The following CHI3L2 variants were observed in gnomAD, a reference collection of about 807,000 sequenced individuals.
CHI3L2 encodes the protein chitinase-3-like protein 2.
Under a neutral mutation model 47.3 loss-of-function variants are expected in CHI3L2, and 47 were observed. The observed-to-expected ratio is 0.99, with a 90% CI of 0.79 to 1.27. The LOEUF (loss-of-function observed/expected upper bound fraction) is 1.27, where lower values mean the gene tolerates loss of function less well. Among genes scored for constraint, CHI3L2 ranks in the 50% most tolerant of loss-of-function variants. The pLI is 0.00. For missense variants in CHI3L2, 497 were observed against 462.1 expected (o/e 1.08, Z -0.69); for synonymous variants, 198 against 169.9 (o/e 1.17, Z -1.28).
chr1:111,238,523 T>A (rs1285879029), intron 7 of CHI3L2, among the ~76,000 whole-genome samples: 1 of 152,268 alleles, frequency 6.6e-6, no homozygotes, highest in Non-Finnish European at 1.5e-5. Flanking sequence ...TGTGATCCAC[T>A]GTCTAGTTCC....
chr1:111,235,823 G>A, intron 6 of CHI3L2, 60 bp downstream of exon 6: 1 of 1,595,402 alleles, frequency 6.3e-7, no homozygotes, highest in Non-Finnish European at 8.6e-7. Context: ...TGCAAATGAT[G>A]CATCAGCATG....
intron 5 of CHI3L2, among the ~76,000 whole-genome samples, chr1:111,235,318 T>C (rs1659846359): frequency 6.6e-6 from 1 of 152,154 alleles, no homozygotes; most frequent in African/African-American, 2.4e-5. Flanking sequence ...TAAAGCAACA[T>C]CCATATGAAA....
At chr1:111,229,921 C>T in intron 2 of CHI3L2, 40 bp downstream of exon 2, 1 of 1,612,042 alleles carries the variant, frequency 6.2e-7, no homozygotes, top group East Asian at 2.2e-5. Flanking sequence ...GATCTCCTGG[C>T]TTGGGTGCTT....
At chr1:111,242,916 G>A (rs1452730896) in intron 10 of CHI3L2, among the ~76,000 whole-genome samples, 1 of 152,152 alleles carries the variant, frequency 6.6e-6, no homozygotes, top group Non-Finnish European at 1.5e-5. Context: ...TGGGCCCCCA[G>A]TTCCCTAGGT....
chr1:111,239,166 G>T, intron 8 of CHI3L2: 1 of 446,158 alleles, frequency 2.2e-6, no homozygotes, highest in Non-Finnish European at 3.9e-6. Context: ...CCAGGAATGG[G>T]GATAGGCAGA....
intron 7 of CHI3L2, among the ~76,000 whole-genome samples, chr1:111,237,381 T>A (rs61806345): frequency 2.7e-3 from 416 of 152,356 alleles, no homozygotes; most frequent in Admixed American, 5.9e-3. Flanking sequence ...TTCACTGTCA[T>A]AATTTTCTCA....
intron 8 of CHI3L2, 62 bp from the exon 9 acceptor site, chr1:111,241,265 A>T: frequency 1.1e-6 from 1 of 914,742 alleles, no homozygotes; most frequent in Non-Finnish European, 1.8e-6. Flanking sequence ...TGCCCTGTCT[A>T]CCCCAACCAA....
In CHI3L2 at chr1:111,242,329, G is replaced by C; in HGVS notation, c.1138G>C (p.Val380Leu). The C allele has an allele frequency of 6.2e-7, 1 of 1,613,040 alleles. No individual in the cohort carries two copies. Among genetic ancestry groups the C allele is most frequent in the South Asian group, 1.1e-5 (1 of 90,908 alleles). ...CTGCAACCAGGGCCCTTACCCTCTT[G>C]TCCAAGCAGTCAAGAGAAGCCTTGG... ...KSCNQGPYPL[V>L]QAVKRSLGSL The change falls in exon 10 of 11, where the codon GTC (valine) becomes CTC (leucine). Residue 380 changes from valine (V) to leucine (L), a missense_variant. Val to Leu is a conservative substitution (Grantham distance 32). Coordinates refer to ENST00000369748, the MANE Select transcript of CHI3L2 (RefSeq NM_004000.3).
chr1:111,240,420 A>C (rs1406834608), intron 8 of CHI3L2, among the ~76,000 whole-genome samples: 1 of 152,212 alleles, frequency 6.6e-6, no homozygotes, highest in Non-Finnish European at 1.5e-5. Flanking sequence ...ATCCTTGGGT[A>C]GTTCTAGGTT....
intron 9 of CHI3L2, among the ~76,000 whole-genome samples, chr1:111,241,948 G>T (rs1660071818): frequency 1.3e-5 from 2 of 152,110 alleles, no homozygotes; most frequent in Non-Finnish European, 1.5e-5. Context: ...TCTTGTTAAG[G>T]GCTTCCTAGT....
chr1:111,229,980 AT>A, intron 2 of CHI3L2, 99 bp downstream of exon 2: 2 of 1,337,610 alleles, frequency 1.5e-6, no homozygotes, highest in Non-Finnish European at 2.1e-6. Flanking sequence ...TTTTCTCTTG[AT>A]TACTCTCTCC....
chr1:111,234,055 G>C (rs112260552), intron 4 of CHI3L2, among the ~76,000 whole-genome samples: 12,806 of 149,108 alleles, frequency 0.086, 626 homozygotes, highest in South Asian at 0.14. Flanking sequence ...CAAACACTGC[G>C]GAAGGCCGCA....
At chr1:111,228,934 A>G (rs777785907) in intron 1 of CHI3L2, among the ~76,000 whole-genome samples, 16 of 152,140 alleles carry the variant, frequency 1.1e-4, no homozygotes, top group Non-Finnish European at 1.5e-4. Context: ...TAGATGTCCT[A>G]TGGAGAAGAG....
In CHI3L2 at chr1:111,230,794, G is replaced by A; in HGVS notation, c.123G>A (p.Gln41=). The A allele has an allele frequency of 6.2e-7, 1 of 1,614,074 alleles. No individual in the cohort carries two copies. The highest frequency in any genetic ancestry group is 8.5e-7 in the Non-Finnish European group (1 of 1,180,032). ...CYFTNWSQDR[Q]EPGKFTPENI... ...TTACCAACTGGTCCCAGGACCGGCA[G>A]GAACCAGGAAAATTCACCCCTGAGA... Residue 41 remains glutamine (Q), a synonymous_variant, in exon 3 of 11, where the codon CAG becomes CAA. Transcript: ENST00000369748.
chr1:111,230,968 T>A (rs1245437524), intron 3 of CHI3L2, 25 bp downstream of exon 3: 2 of 1,592,128 alleles, frequency 1.3e-6, no homozygotes, highest in Admixed American at 3.3e-5. Context: ...GGTGGAAGCA[T>A]CCTGCATGGA....
chr1:111,239,967 C>T (rs1659999310), intron 8 of CHI3L2, among the ~76,000 whole-genome samples: 1 of 152,132 alleles, frequency 6.6e-6, no homozygotes, highest in African/African-American at 2.4e-5. Context: ...ATAACTATAA[C>T]ATTTAATAAA....
intron 1 of CHI3L2, among the ~76,000 whole-genome samples, chr1:111,228,809 T>C (rs1659604537): frequency 6.6e-6 from 1 of 152,198 alleles, no homozygotes; most frequent in Non-Finnish European, 1.5e-5. Flanking sequence ...CTGGGGGGAT[T>C]GCAGTTCCAG....
chr1:111,229,783 C>CTGCCATTA (rs1659655678), intron 1 of CHI3L2, 69 bp from the exon 2 acceptor site: 8 of 1,579,894 alleles, frequency 5.1e-6, no homozygotes, highest in Non-Finnish European at 6.9e-6. Context: ...CACATTTTCA[C>CTGCCATTA]TGCCATTATC....
chr1:111,232,771 C>A (rs1274709323), intron 4 of CHI3L2, among the ~76,000 whole-genome samples: 1 of 152,168 alleles, frequency 6.6e-6, no homozygotes, highest in Non-Finnish European at 1.5e-5. Context: ...TAGTAAATTT[C>A]TATTGAATGG....
Sources: gnomAD v4.1 joint callset for allele counts (sites outside exome capture counted in the v4.1 genomes callset) on GRCh38, gnomAD v4.1.1 for gene constraint, MANE v1.5 for transcripts, NCBI Gene and HGNC (gene_info 2026-07-23, HGNC 2026-07-21) for gene names.